The following SEMA3D variants were observed in gnomAD, a reference collection of about 807,000 sequenced individuals.
SEMA3D encodes the protein semaphorin-3D.
Under a neutral mutation model 100.1 loss-of-function variants are expected in SEMA3D, and 84 were observed. The ratio of observed to expected loss-of-function variants is 0.84; its 90% CI spans 0.70 to 1.01. SEMA3D has a LOEUF of 1.01. SEMA3D is among the 50% of genes least tolerant of loss of function. The pLI is 0.00. For missense variants in SEMA3D, 875 were observed against 934.1 expected (o/e 0.94, Z 0.82); for synonymous variants, 312 against 320.7 (o/e 0.97, Z 0.29).
the SEMA3D span, among the ~76,000 whole-genome samples, chr7:85,248,797 A>G: frequency 2.1e-4 from 32 of 152,152 alleles, no homozygotes; most frequent in Non-Finnish European, 4.3e-4. Context: ...CGGTAAAAAA[A>G]AAAGTCAGTG....
At position 85,031,759 on chromosome 7, in the gene SEMA3D, G is replaced by A. The variant is rs1274525949; in HGVS notation, c.1191+5130C>T. Among the ~76,000 whole-genome samples, 9 of 151,918 alleles carry A rather than the reference G, an allele frequency of 5.9e-5. No individual in the cohort carries two copies. In the East Asian group the frequency reaches 7.8e-4, roughly 13 times the overall value. On this transcript the variant is annotated intron_variant, in intron 12 of 18. Transcript: ENST00000284136. ...AAGAATGTAGTGAGATAACGTATAC[G>A]GGCTTATCAGAGTGTCTGGATCATA...
At chr7:85,102,149 ATAAT>A (rs1382846338) in intron 3 of SEMA3D, among the ~76,000 whole-genome samples, 2 of 152,054 alleles carry the variant, frequency 1.3e-5, no homozygotes, top group African/African-American at 4.8e-5. Flanking sequence ...AACCTTTCAA[ATAAT>A]TAATTATACA....
At chr7:85,081,743 C>T (rs939151357) in intron 4 of SEMA3D, among the ~76,000 whole-genome samples, 164 bp from the exon 5 acceptor site, 1 of 152,184 alleles carries the variant, frequency 6.6e-6, no homozygotes, top group South Asian at 2.1e-4. Flanking sequence ...CAAAGCCACC[C>T]TGAAAGTTTC....
chr7:85,089,969 T>G (rs1397926520), intron 4 of SEMA3D, among the ~76,000 whole-genome samples: 1 of 152,030 alleles, frequency 6.6e-6, no homozygotes, highest in East Asian at 1.9e-4. Context: ...ACCATACAAA[T>G]TAATATAAAT....
At position 85,173,558 on chromosome 7, in the gene SEMA3D, A is replaced by G. The variant is rs1791143695; in HGVS notation, c.-173+13120T>C. 1.3e-5 allele frequency among the ~76,000 whole-genome samples: 2 copies of G among 152,160 alleles called. 1 individual carries two copies. Among genetic ancestry groups the G allele is most frequent in the South Asian group, 4.1e-4 (2 of 4,834 alleles). ...ACCAAGGGGCTGTTCTTTGAATGAAATGGATGAAACTCAGTAGATAAAAAA... is the reference window on the plus strand; with the variant it reads ...ACCAAGGGGCTGTTCTTTGAATGAAGTGGATGAAACTCAGTAGATAAAAAA... On this transcript the variant is annotated intron_variant, in intron 1 of 18. Transcript: ENST00000284136.
intron 2 of SEMA3D, among the ~76,000 whole-genome samples, chr7:85,131,139 A>T (rs367906163): frequency 3.9e-5 from 6 of 152,288 alleles, no homozygotes; most frequent in East Asian, 3.9e-4. Context: ...ACAAGAGAAA[A>T]TTATGGTTTT....
chr7:85,201,647 G>T, the SEMA3D span, among the ~76,000 whole-genome samples: 1 of 152,158 alleles, frequency 6.6e-6, no homozygotes, highest in Non-Finnish European at 1.5e-5. Context: ...TGTGAGGAAA[G>T]CTTTCAATTG....
At chr7:85,227,021 G>A in the SEMA3D span, among the ~76,000 whole-genome samples, 1 of 152,100 alleles carries the variant, frequency 6.6e-6, no homozygotes, top group Non-Finnish European at 1.5e-5. Context: ...AATTGTAAAA[G>A]CAGTAATTGA....
intron 9 of SEMA3D, among the ~76,000 whole-genome samples, chr7:85,048,619 A>G (rs1015617144): frequency 6.6e-6 from 1 of 151,934 alleles, no homozygotes; most frequent in Non-Finnish European, 1.5e-5. Flanking sequence ...AACTTTGTTG[A>G]ACTACCCTTT....
intron 3 of SEMA3D, among the ~76,000 whole-genome samples, chr7:85,115,900 A>C (rs1486937988): frequency 6.6e-6 from 1 of 152,104 alleles, no homozygotes; most frequent in Non-Finnish European, 1.5e-5. Flanking sequence ...CTACCAAAAA[A>C]ATTTTCCAAC....
At chr7:85,099,349 T>G (rs531355584) in intron 3 of SEMA3D, among the ~76,000 whole-genome samples, 1 of 151,952 alleles carries the variant, frequency 6.6e-6, no homozygotes, top group East Asian at 1.9e-4. Flanking sequence ...CCCCTTTCAC[T>G]TGGCTCTCAT....
intron 4 of SEMA3D, among the ~76,000 whole-genome samples, chr7:85,094,767 GAGA>G (rs1439461395): frequency 6.6e-6 from 1 of 151,918 alleles, no homozygotes; most frequent in Non-Finnish European, 1.5e-5. Context: ...CCCCGTCCCA[GAGA>G]AGGAGTCCAC....
chr7:85,234,583 T>G, the SEMA3D span, among the ~76,000 whole-genome samples: 2 of 152,100 alleles, frequency 1.3e-5, no homozygotes, highest in Non-Finnish European at 2.9e-5. Context: ...GCTTTTAAGC[T>G]CAGAAAAGCT....
At chr7:85,119,983 C>G (rs1320119873) in intron 3 of SEMA3D, among the ~76,000 whole-genome samples, 1 of 146,802 alleles carries the variant, frequency 6.8e-6, no homozygotes, top group Non-Finnish European at 1.5e-5. Flanking sequence ...TTTTTAGAGA[C>G]AGGGTCTTGC....
intron 8 of SEMA3D, among the ~76,000 whole-genome samples, chr7:85,058,888 A>G (rs899921444): frequency 1.8e-4 from 27 of 152,220 alleles, no homozygotes; most frequent in African/African-American, 6.0e-4. Context: ...TGCAAAAAAA[A>G]AGAAAACTAT....
Position 84,999,668 on chromosome 7 carries a change from GA to G in SEMA3D, c.2105del (p.Val702AlafsTer10), listed in dbSNP as rs763186953. On this transcript the variant is annotated frameshift_variant, in exon 19 of 19. Coordinates refer to ENST00000284136, the MANE Select transcript of SEMA3D (RefSeq NM_001384900.1). LOFTEE classifies it high-confidence loss of function. ...ACCGTGACTCAGCCAATAGATCCTT[GA>G]CCTTCCCCTCCTCATGCTCTGCCCT... ...TQRAEHEEGK[V>X]KDLLAESRLR... The G allele has an allele frequency of 5.0e-6, 8 of 1,614,000 alleles. No individual in the cohort carries two copies. The highest frequency in any genetic ancestry group is 6.8e-6 in the Non-Finnish European group (8 of 1,179,984).
intron 4 of SEMA3D, among the ~76,000 whole-genome samples, chr7:85,082,385 T>C (rs918785043): frequency 6.6e-6 from 1 of 152,210 alleles, no homozygotes; most frequent in Non-Finnish European, 1.5e-5. Flanking sequence ...GTCAGGAAGT[T>C]TTTGTAGGAA....
the SEMA3D span, among the ~76,000 whole-genome samples, chr7:85,238,023 G>A: frequency 1.3e-5 from 2 of 152,160 alleles, no homozygotes; most frequent in African/African-American, 4.8e-5. Flanking sequence ...TGCATACAAT[G>A]TTGAACATCT....
intron 2 of SEMA3D, among the ~76,000 whole-genome samples, chr7:85,126,404 C>CAT (rs1230584424): frequency 5.4e-4 from 72 of 134,164 alleles, no homozygotes; most frequent in Admixed American, 3.6e-3. Context: ...GTGTGTGTGT[C>CAT]GTGTGTGTGT....
Sources: gnomAD v4.1 joint callset for allele counts (sites outside exome capture counted in the v4.1 genomes callset) on GRCh38, gnomAD v4.1.1 for gene constraint, MANE v1.5 for transcripts, NCBI Gene and HGNC (gene_info 2026-07-23, HGNC 2026-07-21) for gene names.